NTRK3: variants seen among roughly 807,000 people sequenced by gnomAD.
NTRK3 encodes the protein neurotrophic receptor tyrosine kinase 3, also known as NT-3 growth factor receptor.
A neutral mutation model predicts 91.7 loss-of-function variants in NTRK3; 24 were observed. The ratio of observed to expected loss-of-function variants is 0.26; its 90% confidence interval spans 0.19 to 0.37. The LOEUF (loss-of-function observed/expected upper bound fraction) is 0.37, where lower values mean the gene tolerates loss of function less well. NTRK3 is among the 10% of genes least tolerant of loss of function. The pLI, the probability that NTRK3 is intolerant of heterozygous loss-of-function variation, is 1.00. For missense variants in NTRK3, 880 were observed against 1,068.9 expected, an observed-to-expected ratio of 0.82 and a Z score of 2.46; for synonymous variants, 483 against 404.0, an observed-to-expected ratio of 1.20 and a Z score of -2.34.
intron 14 of NTRK3, among the ~76,000 whole-genome samples, chr15:87,965,976 G>T (rs1253621844): frequency 6.6e-6 from 1 of 152,062 alleles, no homozygotes; most frequent in Non-Finnish European, 1.5e-5. Flanking sequence ...TACTCGGGAG[G>T]CTGAGGCTTG....
chr15:88,247,162 C>T (rs1462416786), intron 3 of NTRK3, among the ~76,000 whole-genome samples: 1 of 152,228 alleles, frequency 6.6e-6, no homozygotes, highest in East Asian at 1.9e-4. Flanking sequence ...GGCAGGTAGC[C>T]GGGTTTAGGA....
chr15:88,069,461 C>T (rs920367490), intron 13 of NTRK3, among the ~76,000 whole-genome samples: 6 of 152,122 alleles, frequency 3.9e-5, no homozygotes, highest in Non-Finnish European at 8.8e-5. Flanking sequence ...CCTGGGATTC[C>T]AAGGATGATG....
intron 3 of NTRK3, among the ~76,000 whole-genome samples, chr15:88,210,249 C>T (rs1341847259): frequency 6.6e-6 from 1 of 152,206 alleles, no homozygotes; most frequent in Non-Finnish European, 1.5e-5. Flanking sequence ...GAGGCAGCCT[C>T]AGACCCCTCT....
intron 17 of NTRK3, among the ~76,000 whole-genome samples, chr15:87,900,403 C>G (rs1317312406): frequency 6.6e-6 from 1 of 152,250 alleles, no homozygotes; most frequent in East Asian, 1.9e-4. Context: ...AACCAGGAAC[C>G]TTAGTGAAAA....
intron 13 of NTRK3, among the ~76,000 whole-genome samples, chr15:88,105,099 A>C (rs1164439765): frequency 2.6e-5 from 4 of 152,146 alleles, no homozygotes; most frequent in Admixed American, 2.6e-4. Context: ...TTCCCAAATG[A>C]CTAGAAAGTA....
intron 17 of NTRK3, among the ~76,000 whole-genome samples, chr15:87,892,643 G>A: frequency 6.6e-6 from 1 of 151,982 alleles, no homozygotes; most frequent in Non-Finnish European, 1.5e-5. Flanking sequence ...CAATTTCTGT[G>A]TATTACTAGT....
chr15:88,069,031 A>T (rs2046890534), intron 13 of NTRK3, among the ~76,000 whole-genome samples: 1 of 152,180 alleles, frequency 6.6e-6, no homozygotes, highest in African/African-American at 2.4e-5. Context: ...TGGGGCTGTA[A>T]TGGAGTGTAC....
At chr15:88,242,002 C>T (rs980336847) in intron 3 of NTRK3, among the ~76,000 whole-genome samples, 1 of 152,134 alleles carries the variant, frequency 6.6e-6, no homozygotes, top group African/African-American at 2.4e-5. Context: ...AGTGGCTGGC[C>T]CATCAGAGAC....
At chr15:88,026,126 C>A (rs2078017374) in intron 14 of NTRK3, among the ~76,000 whole-genome samples, 1 of 151,944 alleles carries the variant, frequency 6.6e-6, no homozygotes, top group African/African-American at 2.4e-5. Flanking sequence ...AAAAAATTAG[C>A]CAGGCGTGGT....
chr15:88,032,922 C>T (rs140370971), exon 14 of NTRK3: 23 of 1,613,490 alleles, frequency 1.4e-5, no homozygotes, highest in African/African-American at 1.1e-4. Context: ...GACAGGGATG[C>T]GAGTCATGCC....
chr15:87,935,860 A>G (rs1434169724), intron 15 of NTRK3, among the ~76,000 whole-genome samples: 2 of 152,202 alleles, frequency 1.3e-5, no homozygotes, highest in Non-Finnish European at 2.9e-5. Flanking sequence ...GGCACAAAGC[A>G]ACCACCATTA....
chr15:88,206,370 A>C (rs2048768830), intron 3 of NTRK3, among the ~76,000 whole-genome samples: 1 of 127,996 alleles, frequency 7.8e-6, no homozygotes, highest in Admixed American at 8.4e-5. Context: ...AAACAAACAA[A>C]AAAACAGGCC....
chr15:88,167,375 G>A (rs764464802), intron 5 of NTRK3, among the ~76,000 whole-genome samples: 9 of 152,116 alleles, frequency 5.9e-5, no homozygotes, highest in Non-Finnish European at 1.0e-4. Context: ...GTTGGCAGCA[G>A]CATAGGAAAC....
chr15:88,185,181 A>G (rs144209284), intron 3 of NTRK3, among the ~76,000 whole-genome samples: 43 of 152,346 alleles, frequency 2.8e-4, no homozygotes, highest in African/African-American at 1.0e-3. Context: ...TAGCAAGCAC[A>G]CTACATCTAT....
At chr15:88,029,012 A>T (rs1272266597) in intron 14 of NTRK3, among the ~76,000 whole-genome samples, 1 of 152,188 alleles carries the variant, frequency 6.6e-6, no homozygotes, top group Non-Finnish European at 1.5e-5. Flanking sequence ...AGCTTCTCCC[A>T]AGTGACCCAT....
chr15:88,118,810 G>A (rs1018185438), intron 13 of NTRK3, among the ~76,000 whole-genome samples: 1 of 152,164 alleles, frequency 6.6e-6, no homozygotes, highest in Non-Finnish European at 1.5e-5. Flanking sequence ...TCTAAACTGG[G>A]TAAGGTATCG....
chr15:87,954,726 T>C (rs2071492755), intron 14 of NTRK3, among the ~76,000 whole-genome samples: 1 of 152,238 alleles, frequency 6.6e-6, no homozygotes, highest in Non-Finnish European at 1.5e-5. Context: ...TGGTTACTAA[T>C]TTAACATGTG....
chr15:87,907,483 A>C (rs1411749398), intron 17 of NTRK3, among the ~76,000 whole-genome samples: 1 of 152,110 alleles, frequency 6.6e-6, no homozygotes, highest in Non-Finnish European at 1.5e-5. Flanking sequence ...GAAACTGTAA[A>C]AGCCTTCCTT....
chr15:88,253,059 C>T (rs973400663), intron 3 of NTRK3: 9 of 152,238 alleles, frequency 5.9e-5, no homozygotes, highest in African/African-American at 2.2e-4. Context: ...GGAAGGATCT[C>T]GAAACATTAC....
Sources: allele counts gnomAD v4.1 joint callset (sites outside exome capture counted in the v4.1 genomes callset), GRCh38; gene constraint gnomAD v4.1.1; transcripts MANE v1.5; gene names NCBI Gene and HGNC (gene_info 2026-07-23, HGNC 2026-07-21).